Variants in RNLS observed in about 807,000 individuals in gnomAD.
RNLS encodes renalase.
RNLS carries 39 observed loss-of-function variants against 39.8 expected under a neutral mutation model. The ratio of observed to expected loss-of-function variants is 0.98; its 90% CI spans 0.76 to 1.28. RNLS has a LOEUF of 1.28. RNLS is among the 50% of genes most tolerant of loss of function. The pLI, the probability that RNLS is intolerant of heterozygous loss-of-function variation, is 0.00. For missense variants in RNLS, 410 were observed against 413.3 expected (o/e 0.99, Z 0.07); for synonymous variants, 147 against 150.7 (o/e 0.98, Z 0.18).
At chr10:88,451,097 C>A (rs931921916) in intron 4 of RNLS, among the ~76,000 whole-genome samples, 1 of 152,092 alleles carries the variant, frequency 6.6e-6, no homozygotes, top group Non-Finnish European at 1.5e-5. Flanking sequence ...TGTCAGATTA[C>A]GAAGGTCCTT....
At chr10:88,579,752 T>G (rs929389678) in intron 3 of RNLS, among the ~76,000 whole-genome samples, 2 of 152,202 alleles carry the variant, frequency 1.3e-5, no homozygotes, top group African/African-American at 4.8e-5. Context: ...CCATCTGTGA[T>G]GGTCAATTTT....
chr10:88,455,470 G>A (rs1397338749), intron 4 of RNLS, among the ~76,000 whole-genome samples: 6 of 152,146 alleles, frequency 3.9e-5, no homozygotes. Flanking sequence ...GCAGTGGTGC[G>A]ATTTCGGCTC....
chr10:88,383,278 C>A (rs1286314343), intron 4 of RNLS, among the ~76,000 whole-genome samples: 3 of 152,144 alleles, frequency 2.0e-5, no homozygotes, highest in Non-Finnish European at 4.4e-5. Flanking sequence ...GAATGAGATG[C>A]ACCACTATCA....
At chr10:88,301,561 C>A (rs955979041) in intron 6 of RNLS, among the ~76,000 whole-genome samples, 4 of 152,206 alleles carry the variant, frequency 2.6e-5, no homozygotes, top group African/African-American at 9.6e-5. Context: ...CATGGCCCAA[C>A]TGTGTTAAAT....
chr10:88,370,874 T>C (rs925730072), intron 4 of RNLS, among the ~76,000 whole-genome samples: 3 of 152,160 alleles, frequency 2.0e-5, no homozygotes, highest in African/African-American at 7.2e-5. Context: ...CTGGAATAAA[T>C]TGAATGTTAA....
the RNLS span, among the ~76,000 whole-genome samples, chr10:88,261,988 G>T: frequency 6.6e-6 from 1 of 152,172 alleles, no homozygotes. Flanking sequence ...TTTGACAAAT[G>T]AGTAGGAGTT....
At chr10:88,436,405 T>C (rs1841414779) in intron 4 of RNLS, among the ~76,000 whole-genome samples, 1 of 152,182 alleles carries the variant, frequency 6.6e-6, no homozygotes, top group Non-Finnish European at 1.5e-5. Context: ...AGGGCAGTTC[T>C]GAATCAAAAC....
downstream of RNLS, among the ~76,000 whole-genome samples, chr10:88,271,365 T>G (rs888668707): frequency 2.6e-5 from 4 of 152,190 alleles, no homozygotes; most frequent in East Asian, 5.8e-4. Context: ...CCATTTTCAG[T>G]TCCTTCTGAG....
chr10:88,577,324 T>C (rs994303954), intron 3 of RNLS, among the ~76,000 whole-genome samples: 27 of 152,108 alleles, frequency 1.8e-4, no homozygotes, highest in African/African-American at 6.5e-4. Flanking sequence ...ACAAAATAGA[T>C]GTTAAATTGG....
At chr10:88,227,663 G>A in the RNLS span, among the ~76,000 whole-genome samples, 4 of 152,214 alleles carry the variant, frequency 2.6e-5, no homozygotes, top group Admixed American at 6.5e-5. Flanking sequence ...GAAAAGAAGA[G>A]TTTTAACCCT....
At chr10:88,553,600 T>C (rs989773931) in intron 4 of RNLS, among the ~76,000 whole-genome samples, 5 of 152,220 alleles carry the variant, frequency 3.3e-5, no homozygotes, top group Admixed American at 6.5e-5. Flanking sequence ...GCACACTGCT[T>C]CCTAGTAAAG....
At chr10:88,182,336 G>A in the RNLS span, among the ~76,000 whole-genome samples, 1 of 152,048 alleles carries the variant, frequency 6.6e-6, no homozygotes, top group Non-Finnish European at 1.5e-5. Flanking sequence ...GTTTAGAATG[G>A]CATAAAGTTT....
intron 4 of RNLS, among the ~76,000 whole-genome samples, chr10:88,500,721 G>C (rs2134105798): frequency 6.6e-6 from 1 of 152,198 alleles, no homozygotes; most frequent in African/African-American, 2.4e-5. Context: ...TCGATCATTA[G>C]TGTTTAATCC....
chr10:88,191,549 G>A, the RNLS span, among the ~76,000 whole-genome samples: 1 of 152,300 alleles, frequency 6.6e-6, no homozygotes, highest in East Asian at 1.9e-4. Context: ...AGAAAAGGAT[G>A]TTTTGATTTT....
intron 4 of RNLS, among the ~76,000 whole-genome samples, chr10:88,443,690 C>T (rs969158708): frequency 6.6e-6 from 1 of 152,230 alleles, no homozygotes; most frequent in Non-Finnish European, 1.5e-5. Flanking sequence ...CTTGGAGGGT[C>T]CCATGCCCAC....
At chr10:88,495,821 C>T (rs12572235) in intron 4 of RNLS, among the ~76,000 whole-genome samples, 28,467 of 151,906 alleles carry the variant, frequency 0.19, 2,951 homozygotes, top group Middle Eastern at 0.29. Context: ...TGGAAATGAG[C>T]GAATTTAGGA....
At chr10:88,311,927 G>T (rs1204753478) in intron 6 of RNLS, among the ~76,000 whole-genome samples, 1 of 152,188 alleles carries the variant, frequency 6.6e-6, no homozygotes, top group Non-Finnish European at 1.5e-5. Flanking sequence ...CAGATAGCAG[G>T]TGTTCCCTTA....
At chr10:88,506,181 T>A (rs1040772425) in intron 4 of RNLS, among the ~76,000 whole-genome samples, 1 of 151,894 alleles carries the variant, frequency 6.6e-6, no homozygotes, top group Admixed American at 6.6e-5. Flanking sequence ...AAAGTCAAGT[T>A]CACAAAGAAC....
intron 6 of RNLS, among the ~76,000 whole-genome samples, chr10:88,291,884 C>A (rs1843694717): frequency 6.6e-6 from 1 of 152,008 alleles, no homozygotes; most frequent in South Asian, 2.1e-4. Context: ...GGACACTACC[C>A]TTCTCTGGGT....
Sources: allele counts gnomAD v4.1 joint callset (sites outside exome capture counted in the v4.1 genomes callset), GRCh38; gene constraint gnomAD v4.1.1; transcripts MANE v1.5; gene names NCBI Gene and HGNC (gene_info 2026-07-23, HGNC 2026-07-21).